The following NASP variants were observed in gnomAD, a reference collection of about 807,000 sequenced individuals.
NASP encodes NASP histone chaperone.
NASP carries 24 observed loss-of-function variants against 89.5 expected under a neutral mutation model. That is an observed-to-expected ratio of 0.27 (90% CI 0.19 to 0.38). NASP has a LOEUF of 0.38. Among genes scored for constraint, NASP ranks in the 10% least tolerant of loss-of-function variants. The pLI is 1.00. For synonymous variants in NASP, 306 were observed against 324.7 expected, an observed-to-expected ratio of 0.94 and a Z score of 0.62; for missense variants, 848 against 921.4, an observed-to-expected ratio of 0.92 and a Z score of 1.03.
At chr1:45,610,437 CACTT>C (rs1288410293) in intron 6 of NASP, 3 of 152,188 alleles carry the variant, frequency 2.0e-5, no homozygotes, top group Admixed American at 6.5e-5. Context: ...AGTACTCAAC[CACTT>C]ACTTTCTGTG....
At chr1:45,599,310 A>G (rs1370059335) in intron 2 of NASP, among the ~76,000 whole-genome samples, 1 of 151,964 alleles carries the variant, frequency 6.6e-6, no homozygotes, top group African/African-American at 2.4e-5. Context: ...GTATTTTCCT[A>G]TAGAGATGCT....
chr1:45,605,094 C>A (rs1408430550), intron 4 of NASP, 78 bp downstream of exon 4: 1 of 1,178,596 alleles, frequency 8.5e-7, no homozygotes, highest in Non-Finnish European at 1.3e-6. Context: ...AGGAGCTAAG[C>A]AAGATTGGTT....
chr1:45,585,190 C>T (rs1644514116), intron 1 of NASP, among the ~76,000 whole-genome samples: 1 of 152,174 alleles, frequency 6.6e-6, no homozygotes, highest in Admixed American at 6.5e-5. Flanking sequence ...TTCAAGGAAA[C>T]AAGTGCTGTT....
intron 2 of NASP, among the ~76,000 whole-genome samples, chr1:45,595,188 T>TG (rs1557653283): frequency 1.5e-4 from 19 of 129,762 alleles, no homozygotes; most frequent in East Asian, 4.5e-4. Context: ...TGTGTGTGTG[T>TG]TTTAGAGACA....
chr1:45,604,683 G>A (rs1460661268), intron 3 of NASP, among the ~76,000 whole-genome samples: 2 of 152,154 alleles, frequency 1.3e-5, no homozygotes, highest in Non-Finnish European at 2.9e-5. Flanking sequence ...CCTTAGGGCT[G>A]TTTGGCCCTA....
intron 9 of NASP, 67 bp downstream of exon 9, chr1:45,614,433 C>G (rs932612596): frequency 7.2e-6 from 9 of 1,249,934 alleles, no homozygotes; most frequent in South Asian, 4.8e-5. Flanking sequence ...CTAATAGATT[C>G]TCTGGAACCG....
At chr1:45,615,558 G>T (rs1388031163) in intron 11 of NASP, 87 bp downstream of exon 11, 3 of 1,317,226 alleles carry the variant, frequency 2.3e-6, no homozygotes, top group South Asian at 1.4e-5. Context: ...ATCATGACTT[G>T]GTTTCCAGGG....
chr1:45,616,541 T>C, intron 12 of NASP, 85 bp from the exon 13 acceptor site: 1 of 1,523,218 alleles, frequency 6.6e-7, no homozygotes, highest in Non-Finnish European at 9.1e-7. Context: ...TGAGACCTTG[T>C]CTCTGAAAAA....
At chr1:45,613,398 C>G (rs921145684) in intron 7 of NASP, 150 bp downstream of exon 7, 2 of 865,494 alleles carry the variant, frequency 2.3e-6, no homozygotes, top group Non-Finnish European at 1.7e-6. Context: ...ATCGCCTCAC[C>G]TCAGCCTCTC....
chr1:45,606,667 C>G (rs1643913804), intron 5 of NASP, 76 bp downstream of exon 5: 1 of 992,340 alleles, frequency 1.0e-6, no homozygotes, highest in African/African-American at 1.6e-5. Context: ...AAACGGGGCT[C>G]TACCTGTCCT....
At chr1:45,612,458 A>G (rs1557664903) in intron 6 of NASP, 1 of 152,158 alleles carries the variant, frequency 6.6e-6, no homozygotes, top group African/African-American at 2.4e-5. Context: ...CAGTAGCGCT[A>G]TTGATTAGGA....
chr1:45,587,687 T>TATATATATATATATATATATATATA (rs66829841), intron 1 of NASP, among the ~76,000 whole-genome samples: 150 of 78,090 alleles, frequency 1.9e-3, no homozygotes, highest in East Asian at 2.2e-3. Context: ...TATATATATA[T>TATATATATATATATATATATATATA]AATTAATTTT....
At chr1:45,592,513 AT>A (rs1039051025) in intron 2 of NASP, among the ~76,000 whole-genome samples, 1 of 151,904 alleles carries the variant, frequency 6.6e-6, no homozygotes, top group South Asian at 2.1e-4. Flanking sequence ...TCTTACAAAT[AT>A]TTTGTTTGTT....
Position 45,608,127 on chromosome 1 carries a change from G to C in NASP, c.1216G>C (p.Asp406His), listed in dbSNP as rs138740523. The C allele has an allele frequency of 1.9e-6, 3 of 1,613,990 alleles. No homozygotes were observed. Among genetic ancestry groups the C allele is most frequent in the African/African-American group, 2.7e-5 (2 of 74,924 alleles). Residue 406 changes from aspartate to histidine, a missense_variant, in exon 6 of 15, where the codon GAT (aspartate) becomes CAT (histidine). Coordinates refer to ENST00000350030, the MANE Select transcript of NASP (RefSeq NM_002482.4). ...TSIERLTETK[D>H]GSGLEEKVRA... is the part of the protein sequence containing the mutation. ...TATAGAAAGACTGACAGAAACAAAA[G>C]ATGGCTCAGGACTAGAGGAGAAGGT...
intron 2 of NASP, among the ~76,000 whole-genome samples, chr1:45,596,243 CATATA>C (rs764995209): frequency 3.9e-4 from 59 of 152,260 alleles, no homozygotes; most frequent in South Asian, 8.3e-4. Flanking sequence ...TGGTAAAACA[CATATA>C]ATATAAAATT....
At chr1:45,588,011 G>A (rs2991977) in intron 1 of NASP, among the ~76,000 whole-genome samples, 106,222 of 151,332 alleles carry the variant, frequency 0.7, 37,374 homozygotes, top group Non-Finnish European at 0.71. Context: ...AAGCCAACAC[G>A]GGCATATCAC....
intron 2 of NASP, among the ~76,000 whole-genome samples, chr1:45,595,129 T>TTTTGTGTG (rs1423142685): frequency 2.7e-5 from 3 of 111,784 alleles, no homozygotes; most frequent in African/African-American, 1.0e-4. Flanking sequence ...AGACTAAGTT[T>TTTTGTGTG]TGTGTGTGTG....
chr1:45,601,880 G>A (rs542093828), intron 2 of NASP, among the ~76,000 whole-genome samples: 5 of 142,692 alleles, frequency 3.5e-5, no homozygotes, highest in South Asian at 2.4e-4. Flanking sequence ...TCAGCCTCCC[G>A]TAGCTGGGAC....
chr1:45,604,821 A>T, intron 3 of NASP, 115 bp from the exon 4 acceptor site: 1 of 763,038 alleles, frequency 1.3e-6, no homozygotes. Context: ...CAAGAGGGGT[A>T]TTGGTTTTCT....
Sources: allele counts gnomAD v4.1 joint callset (sites outside exome capture counted in the v4.1 genomes callset), GRCh38; gene constraint gnomAD v4.1.1; transcripts MANE v1.5; gene names NCBI Gene and HGNC (gene_info 2026-07-23, HGNC 2026-07-21).